LILRB5: variants seen among roughly 807,000 people sequenced by gnomAD.
LILRB5 encodes leukocyte immunoglobulin like receptor B5, also known as leukocyte immunoglobulin-like receptor subfamily B member 5.
In LILRB5, 61 loss-of-function variants were observed where a neutral mutation model predicts 68.4. That is an observed-to-expected ratio of 0.89 (90% confidence interval 0.73 to 1.10). The LOEUF is 1.10. LILRB5 is among the 50% of genes least tolerant of loss of function. LILRB5 has a pLI of 0.00. For missense variants in LILRB5, 771 were observed against 751.6 expected (o/e 1.03, Z -0.30); for synonymous variants, 356 against 315.8 (o/e 1.13, Z -1.35).
At chr19:54,257,025 G>T in intron 1 of LILRB5, 29 bp from the exon 2 acceptor site, 1 of 1,614,206 alleles carries the variant, frequency 6.2e-7, no homozygotes, top group Non-Finnish European at 8.5e-7. Flanking sequence ...TGAGGGATTT[G>T]CCCCTGGAAG....
rs1381243118 is a variant in LILRB5, at chr19:54,250,704, G to C, written c.*82C>G. 9.6e-5 allele frequency: 151 copies of C among 1,570,700 alleles called. No homozygotes were observed. Among genetic ancestry groups the C allele is most frequent in the Non-Finnish European group, 1.1e-4 (129 of 1,150,004 alleles). On this transcript the variant is annotated 3_prime_UTR_variant, in exon 13 of 13. Transcript: ENST00000449561. ...GGTCCAGGCTGGCTGGGGTTCATTG[G>C]TGTCCACTGGGGGCAGCTCCTGTGC...
chr19:54,256,901 G>T, intron 2 of LILRB5, 60 bp downstream of exon 2: 1 of 1,613,402 alleles, frequency 6.2e-7, no homozygotes, highest in Non-Finnish European at 8.5e-7. Context: ...CAGCTGCCCG[G>T]GGTTGGGCCC....
At chr19:54,257,074 A>AC in intron 1 of LILRB5, 78 bp from the exon 2 acceptor site, 1 of 1,613,748 alleles carries the variant, frequency 6.2e-7, no homozygotes, top group Non-Finnish European at 8.5e-7. Context: ...CCTCTGATAG[A>AC]CCAGATTCTC....
chr19:54,252,848 G>T, intron 9 of LILRB5, 23 bp downstream of exon 9: 1 of 1,594,650 alleles, frequency 6.3e-7, no homozygotes, highest in African/African-American at 1.3e-5. Context: ...GTCGGCCCAC[G>T]GGTTCCCCCA....
rs761979800 is a variant in LILRB5 at position 54,255,272 on chromosome 19, G to C, written c.952+14C>G. On this transcript the variant is annotated intron_variant, in intron 5 of 12. Coordinates refer to ENST00000449561, the MANE Select transcript of LILRB5 (RefSeq NM_001081442.3). ...AGAGCCTGGGTCCCTGACTGAACCCGCTGGGCTCCTCACCTGCGATCAGGA... is the reference window on the plus strand; with the variant it reads ...AGAGCCTGGGTCCCTGACTGAACCCCCTGGGCTCCTCACCTGCGATCAGGA... 4.3e-6 allele frequency: 7 copies of C among 1,611,446 alleles called. No individual in the cohort carries two copies. The African/African-American group carries it at 8.0e-5, about 18-fold the overall frequency.
Position 54,252,046 on chromosome 19 carries a change from G to A in LILRB5, c.1629+8C>T, listed in dbSNP as rs375680892. Reference sequence around the variant, plus strand: ...CCTTTGGTGCCCGGGACAGGGGCGGGGCCTCACCGGAGCATCCATCTCCAC... The same window carrying A: ...CCTTTGGTGCCCGGGACAGGGGCGGAGCCTCACCGGAGCATCCATCTCCAC... On this transcript the variant is annotated splice_region_variant and intron_variant, in intron 12 of 12. Transcript: ENST00000449561. 9.9e-6 allele frequency: 16 copies of A among 1,613,078 alleles called. No individual in the cohort carries two copies. The African/African-American group carries it at 1.3e-4, about 13-fold the overall frequency.
At position 54,256,295 on chromosome 19, in the gene LILRB5, C is replaced by T; in HGVS notation, c.403G>A (p.Ala135Thr). The change falls in exon 4 of 13, where the codon GCC becomes ACC. Residue 135 changes from alanine to threonine, a missense_variant. By Grantham distance (58) the Ala-to-Thr change is moderately conservative. Coordinates refer to ENST00000449561, the MANE Select transcript of LILRB5 (RefSeq NM_001081442.3). ...TLLALPSPVV[A>T]SGGNVTLQCD... ...TGGAGGGTCACATTTCCTCCTGAGG[C>T]CACCACAGGACTCGGCAGGGCTAAA... 6.2e-7 allele frequency: 1 copy of T among 1,613,206 alleles called. No homozygotes were observed. Among genetic ancestry groups the T allele is most frequent in the Non-Finnish European group, 8.5e-7 (1 of 1,179,748 alleles).
In LILRB5 at chr19:54,250,334, C is replaced by T. The variant is rs1317901321; in HGVS notation, c.*452G>A. 1.2e-5 allele frequency: 2 copies of T among 163,624 alleles called. No individual in the cohort carries two copies. The highest frequency in any genetic ancestry group is 2.7e-5 in the Non-Finnish European group (2 of 75,250). 10.1% of individuals were successfully genotyped at this position (163,624 alleles called of 1,614,324 possible). A position where few individuals can be genotyped will look rare whatever the true frequency, so the allele number is the denominator to read the frequency against. The stretch of plus-strand genomic sequence containing the variant: ...TTCACGTAGCCCTCATTAGTAACTC[C>T]TCTTGTTATTTTTGTCCCCTTCCTC... On this transcript the variant is annotated 3_prime_UTR_variant, in exon 13 of 13. Coordinates refer to ENST00000449561, the MANE Select transcript of LILRB5 (RefSeq NM_001081442.3).
In LILRB5 at chr19:54,254,759, A is replaced by T. The variant is rs1375450428; in HGVS notation, c.1231T>A (p.Tyr411Asn). 2 of 1,614,026 alleles carry T rather than the reference A, an allele frequency of 1.2e-6. No homozygotes were observed. Among genetic ancestry groups the T allele is most frequent in the Non-Finnish European group, 1.7e-6 (2 of 1,179,980 alleles). Reference sequence around the variant, plus strand: ...CCTGAGACCACGAGCTCCTGGGGGTAACTAGGGCTGGACAGCAGGTAGGGG... The same window carrying T: ...CCTGAGACCACGAGCTCCTGGGGGTTACTAGGGCTGGACAGCAGGTAGGGG... ...SYPYLLSSPS[Y>N]PQELVVSGPS... Residue 411 changes from tyrosine to asparagine, a missense_variant, in exon 6 of 13, where the codon TAC becomes AAC. Tyr to Asn is a moderately radical substitution (Grantham distance 143). Transcript: ENST00000449561.
rs907093364 is a variant in LILRB5 at position 54,249,977 on chromosome 19, G to C, written c.*809C>G. On this transcript the variant is annotated 3_prime_UTR_variant, in exon 13 of 13. Transcript: ENST00000449561. ...GAACCCGGGAGGCAGAGGTTGCAGT[G>C]AGCCGAGATCACTCCACTGTACTCC... The C allele has an allele frequency of 1.2e-4, 19 of 152,080 alleles. No homozygotes were observed. Among genetic ancestry groups the C allele is most frequent in the African/African-American group, 4.6e-4 (19 of 41,328 alleles). The allele number at this position is 152,080 out of a possible 1,614,324, so 9.4% of individuals were successfully genotyped here. A position where few individuals can be genotyped will look rare whatever the true frequency, so the allele number is the denominator to read the frequency against.
At position 54,257,013 on chromosome 19, in the gene LILRB5, T is replaced by A. The variant is rs2079171003; in HGVS notation, c.35-17A>T. Reference sequence around the variant, plus strand: ...CACTCAGCCCTGGAAGAGAGTTCCCTGTGAGGGATTTGCCCCTGGAAGCCC... The same window carrying A: ...CACTCAGCCCTGGAAGAGAGTTCCCAGTGAGGGATTTGCCCCTGGAAGCCC... On this transcript the variant is annotated splice_polypyrimidine_tract_variant and intron_variant, in intron 1 of 12. Transcript: ENST00000449561. 2.5e-6 allele frequency: 4 copies of A among 1,614,224 alleles called. No individual in the cohort carries two copies. In the East Asian group the frequency reaches 8.9e-5, roughly 36 times the overall value.
intron 6 of LILRB5, 83 bp from the exon 7 acceptor site, chr19:54,254,498 G>T: frequency 6.8e-7 from 1 of 1,461,160 alleles, no homozygotes; most frequent in Non-Finnish European, 9.3e-7. Context: ...TGGCTTCTCT[G>T]GAAACTTTCT....
chr19:54,250,436 TTTTATTCTTTTCTAA>T lies in LILRB5; in HGVS notation c.*335_*349del, dbSNP rs2078905040. ...TTGCCAAGGTCATTAATTACGTAGGTTTTATTCTTTTCTAATTCATTCGCTCATTTGTAGTTTTCC... is the reference window on the plus strand; with the variant it reads ...TTGCCAAGGTCATTAATTACGTAGGTTTCATTCGCTCATTTGTAGTTTTCC... On this transcript the variant is annotated 3_prime_UTR_variant, in exon 13 of 13. Transcript: ENST00000449561. 1.3e-5 allele frequency: 3 copies of T among 238,524 alleles called. No individual in the cohort carries two copies. The South Asian group carries it at 2.8e-4, about 23-fold the overall frequency. 14.8% of individuals were successfully genotyped at this position (238,524 alleles called of 1,614,324 possible).
chr19:54,252,694 G>A, intron 9 of LILRB5, 145 bp from the exon 10 acceptor site: 2 of 1,065,774 alleles, frequency 1.9e-6, no homozygotes, highest in South Asian at 2.9e-5. Context: ...AAAATCAGAA[G>A]AATCAAGCAC....
chr19:54,257,128 G>T (rs187327837), intron 1 of LILRB5, 32 bp downstream of exon 1: 4 of 1,614,118 alleles, frequency 2.5e-6, no homozygotes, highest in Non-Finnish European at 3.4e-6. Flanking sequence ...CCTCCAAGAC[G>T]GGGACCTTCC....
chr19:54,251,687 A>T, intron 12 of LILRB5: 1 of 634,266 alleles, frequency 1.6e-6, no homozygotes, highest in South Asian at 1.5e-5. Context: ...CTGTGTCTGC[A>T]GCTCCCATGG....
Position 54,250,740 on chromosome 19 carries a change from C to G in LILRB5, c.*46G>C, listed in dbSNP as rs201497001. On this transcript the variant is annotated 3_prime_UTR_variant, in exon 13 of 13. Transcript: ENST00000449561. ...GGGCAGCTCCTGTGCCTTCTGGAGT[C>G]TCTGAGTCTCCTTCTGTTGAGTATG... The G allele has an allele frequency of 3.7e-6, 6 of 1,612,728 alleles. No homozygotes were observed. Among genetic ancestry groups the G allele is most frequent in the Non-Finnish European group, 4.2e-6 (5 of 1,179,188 alleles).
chr19:54,250,621 G>C lies in LILRB5; in HGVS notation c.*165C>G. 1 of 783,198 alleles carries C rather than the reference G, an allele frequency of 1.3e-6. No homozygotes were observed. Among genetic ancestry groups the C allele is most frequent in the Non-Finnish European group, 2.0e-6 (1 of 495,636 alleles). The allele number at this position is 783,198 out of a possible 1,614,324, so 48.5% of individuals were successfully genotyped here. A position where few individuals can be genotyped will look rare whatever the true frequency, so the allele number is the denominator to read the frequency against. ...AAATGCAAGGATATTAGTCATCTTTGACTGCAGAATCTAGTGAGTCCCAGA... is the reference window on the plus strand; with the variant it reads ...AAATGCAAGGATATTAGTCATCTTTCACTGCAGAATCTAGTGAGTCCCAGA... On this transcript the variant is annotated 3_prime_UTR_variant, in exon 13 of 13. Transcript: ENST00000449561.
At position 54,250,019 on chromosome 19, in the gene LILRB5, G is replaced by A. The variant is rs1408833389; in HGVS notation, c.*767C>T. ...CTGTACTCCAGCCTGGTGATAGAGCGAGACTCCGTCTCAAAAAACAAAACA... is the reference window on the plus strand; with the variant it reads ...CTGTACTCCAGCCTGGTGATAGAGCAAGACTCCGTCTCAAAAAACAAAACA... On this transcript the variant is annotated 3_prime_UTR_variant, in exon 13 of 13. Coordinates refer to ENST00000449561, the MANE Select transcript of LILRB5 (RefSeq NM_001081442.3). The A allele has an allele frequency of 6.6e-6, 1 of 151,960 alleles. No individual in the cohort carries two copies. The highest frequency in any genetic ancestry group is 6.6e-5 in the Admixed American group (1 of 15,196). The allele number at this position is 151,960 out of a possible 1,614,324, so 9.4% of individuals were successfully genotyped here.
Sources: gnomAD v4.1 joint callset for allele counts on GRCh38, gnomAD v4.1.1 for gene constraint, MANE v1.5 for transcripts, NCBI Gene and HGNC (gene_info 2026-07-23, HGNC 2026-07-21) for gene names.